Variants in SMAD2 observed in about 807,000 individuals in gnomAD.
SMAD2 encodes the protein MAD homolog 2.
Under a neutral mutation model 64.4 loss-of-function variants are expected in SMAD2, and 8 were observed. That is an observed-to-expected ratio of 0.12 (90% CI 0.07 to 0.22). The LOEUF is 0.22. Among genes scored for constraint, SMAD2 ranks in the 10% least tolerant of loss-of-function variants. The probability of loss-of-function intolerance (pLI) is 1.00; values close to 1 mark genes in which losing one functional copy is unlikely to be tolerated. For synonymous variants in SMAD2, 203 were observed against 195.8 expected, an observed-to-expected ratio of 1.04 and a Z score of -0.31; for missense variants, 289 against 561.2, an observed-to-expected ratio of 0.51 and a Z score of 4.90.
intron 1 of SMAD2, among the ~76,000 whole-genome samples, chr18:47,914,482 G>A (rs1489383412): frequency 6.6e-6 from 1 of 152,150 alleles, no homozygotes; most frequent in African/African-American, 2.4e-5. Flanking sequence ...ACGTAATACA[G>A]AGAATCCCCT....
At chr18:47,845,626 T>A (rs2144289591) in intron 9 of SMAD2, 37 bp downstream of exon 9, 1 of 1,611,576 alleles carries the variant, frequency 6.2e-7, no homozygotes, top group Non-Finnish European at 8.5e-7. Context: ...CTAAGCAAGT[T>A]GACATGATAG....
At chr18:47,850,693 A>T (rs1468978443) in intron 7 of SMAD2, among the ~76,000 whole-genome samples, 1 of 29,260 alleles carries the variant, frequency 3.4e-5, no homozygotes, top group Non-Finnish European at 5.4e-5. Context: ...TATAATGTAT[A>T]ATATATATTA....
chr18:47,849,750 G>A lies in SMAD2; in HGVS notation c.785-1063C>T, dbSNP rs549229471. On this transcript the variant is annotated intron_variant, in intron 7 of 10. Transcript: ENST00000262160. Reference sequence around the variant, plus strand: ...GGGCCCAGCACGATGGCTCACGCCTGTAATCCCAGCACTTTAGGAGGTCAA... The same window carrying A: ...GGGCCCAGCACGATGGCTCACGCCTATAATCCCAGCACTTTAGGAGGTCAA... 1.8e-4 allele frequency among the ~76,000 whole-genome samples: 27 copies of A among 152,168 alleles called. No homozygotes were observed. In the East Asian group the frequency reaches 3.7e-3, roughly 21 times the overall value.
In SMAD2 at chr18:47,826,966, C is replaced by T. The variant is rs1212943700; in HGVS notation, c.*14861G>A. ...TTAGGGAACTGGAGGAAATGAAGAA[C>T]TTTAAGGTAGACTGATGAAAAGATT... On this transcript the variant is annotated 3_prime_UTR_variant, in exon 11 of 11. Coordinates refer to ENST00000262160, the MANE Select transcript of SMAD2 (RefSeq NM_005901.6). 2 of 152,124 alleles carry T rather than the reference C, an allele frequency of 1.3e-5. No individual in the cohort carries two copies. Among genetic ancestry groups the T allele is most frequent in the Non-Finnish European group, 2.9e-5 (2 of 68,030 alleles). 9.4% of individuals were successfully genotyped at this position (152,124 alleles called of 1,614,324 possible).
intron 2 of SMAD2, among the ~76,000 whole-genome samples, chr18:47,879,815 A>C (rs2032484223): frequency 6.6e-6 from 1 of 152,112 alleles, no homozygotes; most frequent in Admixed American, 6.5e-5. Context: ...TATGAGAGAG[A>C]GCTCCTGGTT....
intron 1 of SMAD2, among the ~76,000 whole-genome samples, chr18:47,924,248 CA>C (rs201933597): frequency 0.015 from 1,513 of 99,710 alleles, 16 homozygotes; most frequent in African/African-American, 0.043. Context: ...AACTCCGTCT[CA>C]AAAAAAAAAA....
intron 1 of SMAD2, chr18:47,920,017 A>G (rs1458875572): frequency 6.6e-6 from 1 of 152,266 alleles, no homozygotes; most frequent in Non-Finnish European, 1.5e-5. Flanking sequence ...TCAGGACGGT[A>G]TAACAAAGTA....
At chr18:47,880,469 CTTATCTGTTT>C (rs1167335111) in intron 2 of SMAD2, among the ~76,000 whole-genome samples, 4 of 152,166 alleles carry the variant, frequency 2.6e-5, no homozygotes. Flanking sequence ...GTGGGGCTAT[CTTATCTGTTT>C]TTATGTCAGT....
chr18:47,839,519 A>C lies in SMAD2; in HGVS notation c.*2308T>G, dbSNP rs1380637699. On this transcript the variant is annotated 3_prime_UTR_variant, in exon 11 of 11. Coordinates refer to ENST00000262160, the MANE Select transcript of SMAD2 (RefSeq NM_005901.6). ...TGGAAGCAAGCAGCAGGGCACTAAA[A>C]CAGTGAGAGCTTACACAACAAAAGC... 1.3e-5 allele frequency: 3 copies of C among 233,306 alleles called. No individual in the cohort carries two copies. Among genetic ancestry groups the C allele is most frequent in the Non-Finnish European group, 2.5e-5 (3 of 118,012 alleles). 14.5% of individuals were successfully genotyped at this position (233,306 alleles called of 1,614,324 possible).
chr18:47,917,857 GA>G (rs2034396884), intron 1 of SMAD2, among the ~76,000 whole-genome samples: 1 of 152,076 alleles, frequency 6.6e-6, no homozygotes, highest in African/African-American at 2.4e-5. Flanking sequence ...CTAACCAAGG[GA>G]ATTTTTAAAA....
rs936237330 is a variant in SMAD2 at position 47,836,410 on chromosome 18, C to T, written c.*5417G>A. On this transcript the variant is annotated 3_prime_UTR_variant, in exon 11 of 11. Coordinates refer to ENST00000262160, the MANE Select transcript of SMAD2 (RefSeq NM_005901.6). ...AATTTTGGCTGTGATTCTTAGTTACCAAGTTGCCAAAAAATGGTATATTAA... is the reference window on the plus strand; with the variant it reads ...AATTTTGGCTGTGATTCTTAGTTACTAAGTTGCCAAAAAATGGTATATTAA... 11 of 220,866 alleles carry T rather than the reference C, an allele frequency of 5.0e-5. No homozygotes were observed. The highest frequency in any genetic ancestry group is 1.7e-4 in the Admixed American group (3 of 17,368). The allele number at this position is 220,866 out of a possible 1,614,324, so 13.7% of individuals were successfully genotyped here. A position where few individuals can be genotyped will look rare whatever the true frequency, so the allele number is the denominator to read the frequency against.
At chr18:47,888,776 T>C (rs1157249178) in intron 2 of SMAD2, among the ~76,000 whole-genome samples, 1 of 152,168 alleles carries the variant, frequency 6.6e-6, no homozygotes, top group Non-Finnish European at 1.5e-5. Flanking sequence ...ACAAAACATA[T>C]GGCATACAAT....
upstream of SMAD2, chr18:47,930,670 C>A (rs910957255): frequency 2.0e-5 from 3 of 149,488 alleles, no homozygotes; most frequent in African/African-American, 7.3e-5. Context: ...GCCCGCGCTG[C>A]CCCTCCTCCC....
chr18:47,898,087 G>A (rs549463925), intron 1 of SMAD2, among the ~76,000 whole-genome samples: 4 of 152,228 alleles, frequency 2.6e-5, no homozygotes, highest in African/African-American at 9.6e-5. Context: ...GTTTTTAAAC[G>A]TAGAGGAGGA....
intron 8 of SMAD2, 27 bp from the exon 9 acceptor site, chr18:47,845,827 T>G: frequency 6.2e-7 from 1 of 1,602,952 alleles, no homozygotes; most frequent in Non-Finnish European, 8.5e-7. Flanking sequence ...ATGAGATTAG[T>G]TTTGTAACAT....
chr18:47,835,410 GA>G lies in SMAD2; in HGVS notation c.*6416del. ...TTAAAGCAGGAACCTATATTCACCA[GA>G]AAAGGATCCTCCTGTTTCTCATCAA... On this transcript the variant is annotated 3_prime_UTR_variant, in exon 11 of 11. Transcript: ENST00000262160. 1 of 202,572 alleles carries G rather than the reference GA, an allele frequency of 4.9e-6. No homozygotes were observed. The highest frequency in any genetic ancestry group is 1.0e-5 in the Non-Finnish European group (1 of 98,562). 12.5% of individuals were successfully genotyped at this position (202,572 alleles called of 1,614,324 possible).
chr18:47,870,668 C>T, intron 2 of SMAD2, 104 bp from the exon 3 acceptor site: 7 of 816,848 alleles, frequency 8.6e-6, no homozygotes, highest in Non-Finnish European at 1.3e-5. Context: ...ACTTCCTTCA[C>T]CCAGAAAATA....
intron 1 of SMAD2, among the ~76,000 whole-genome samples, chr18:47,920,458 T>C (rs769892027): frequency 2.6e-5 from 4 of 152,228 alleles, no homozygotes; most frequent in Non-Finnish European, 5.9e-5. Context: ...TTGTGGTCCA[T>C]CTCAATTTCA....
intron 10 of SMAD2, chr18:47,844,963 C>T (rs1914348634): frequency 2.4e-6 from 1 of 419,206 alleles, no homozygotes; most frequent in African/African-American, 2.0e-5. Context: ...ACTCTGCCCA[C>T]CCCATTTATG....
Sources: allele counts gnomAD v4.1 joint callset (sites outside exome capture counted in the v4.1 genomes callset), GRCh38; gene constraint gnomAD v4.1.1; transcripts MANE v1.5; gene names NCBI Gene and HGNC (gene_info 2026-07-23, HGNC 2026-07-21).